The following DUOX2 variants were observed in gnomAD, a reference collection of about 807,000 sequenced individuals.
DUOX2 encodes the protein dual oxidase 2.
DUOX2 carries 185 observed loss-of-function variants against 183.3 expected under a neutral mutation model. That is an observed-to-expected ratio of 1.01 (90% CI 0.90 to 1.14). The LOEUF is 1.14. Among genes scored for constraint, DUOX2 ranks in the 50% most tolerant of loss-of-function variants. The probability of loss-of-function intolerance (pLI) is 0.00; values close to 1 mark genes in which losing one functional copy is unlikely to be tolerated. For synonymous variants in DUOX2, 788 were observed against 812.4 expected, an observed-to-expected ratio of 0.97 and a Z score of 0.51; for missense variants, 1,999 against 2,022.9, an observed-to-expected ratio of 0.99 and a Z score of 0.23.
At chr15:45,094,884 C>T (rs1474437179) in intron 32 of DUOX2, 52 bp downstream of exon 32, 22 of 1,611,106 alleles carry the variant, frequency 1.4e-5, no homozygotes, top group Non-Finnish European at 1.7e-6. Context: ...CTGCCTTACG[C>T]TGCCAATCCA....
chr15:45,112,607 C>G lies in DUOX2; in HGVS notation c.272G>C (p.Gly91Ala), dbSNP rs753874959. Residue 91 changes from glycine (G) to alanine (A), a missense_variant, in exon 4 of 34, where the codon GGC becomes GCC. Gly to Ala is a moderately conservative substitution (Grantham distance 60). Transcript: ENST00000389039. Reference sequence around the variant, plus strand: ...GTGGAGCGACGGCAGGCCGGCTATGCCCCGCGTGGCTGCGTTGCTGAGCCG... The same window carrying G: ...GTGGAGCGACGGCAGGCCGGCTATGGCCCGCGTGGCTGCGTTGCTGAGCCG... ...PRRLSNAATR[G>A]IAGLPSLHNR... The G allele has an allele frequency of 6.2e-7, 1 of 1,612,742 alleles. No individual in the cohort carries two copies. Among genetic ancestry groups the G allele is most frequent in the Non-Finnish European group, 8.5e-7 (1 of 1,179,800 alleles).
At chr15:45,104,797 G>A (rs1010044794) in intron 18 of DUOX2, among the ~76,000 whole-genome samples, 1 of 152,196 alleles carries the variant, frequency 6.6e-6, no homozygotes, top group Non-Finnish European at 1.5e-5. Flanking sequence ...AAGTTTAAAA[G>A]TCGCATGTAA....
chr15:45,096,029 TTGGG>T lies in DUOX2; in HGVS notation c.3875_3878del (p.Pro1292GlnfsTer28). ...ACTGTCCTGACTTGTACTCAAAGCC[TTGGG>T]GCCTCTGGAATTGCAGGTAGGTCAC... On this transcript the variant is annotated frameshift_variant, in exon 30 of 34. Transcript: ENST00000389039. LOFTEE classifies it high-confidence loss of function. 6.2e-7 allele frequency: 1 copy of T among 1,613,942 alleles called. No homozygotes were observed. Among genetic ancestry groups the T allele is most frequent in the Non-Finnish European group, 8.5e-7 (1 of 1,179,968 alleles).
rs1041260092 is a variant in DUOX2, at chr15:45,111,664, C to T, written c.514-79G>A. 5.5e-6 allele frequency: 8 copies of T among 1,445,736 alleles called. No individual in the cohort carries two copies. The African/African-American group carries it at 9.0e-5, about 16-fold the overall frequency. The allele number at this position is 1,445,736 out of a possible 1,614,324, so 89.6% of individuals were successfully genotyped here. Reference sequence around the variant, plus strand: ...AAGGCCGGGGCCCGGCGGGTGTCCGCGGCTGGGGAGTGGGCGCCTCTCCCC... The same window carrying T: ...AAGGCCGGGGCCCGGCGGGTGTCCGTGGCTGGGGAGTGGGCGCCTCTCCCC... On this transcript the variant is annotated intron_variant, in intron 5 of 33. Transcript: ENST00000389039.
chr15:45,109,812 T>G, intron 10 of DUOX2, 78 bp downstream of exon 10: 1 of 1,453,864 alleles, frequency 6.9e-7, no homozygotes, highest in Non-Finnish European at 9.7e-7. Context: ...ACTCAAGAAC[T>G]GGGATTGTTG....
chr15:45,104,650 T>A (rs1304212960), intron 18 of DUOX2, among the ~76,000 whole-genome samples: 1 of 151,902 alleles, frequency 6.6e-6, no homozygotes, highest in Non-Finnish European at 1.5e-5. Flanking sequence ...TTAAGGGGAA[T>A]GGAAAGTGAG....
At position 45,109,561 on chromosome 15, in the gene DUOX2, C is replaced by T. The variant is rs146745678; in HGVS notation, c.1197G>A (p.Ser399=). 3.4e-4 allele frequency: 554 copies of T among 1,614,062 alleles called. 2 individuals carry two copies. The African/African-American group carries it at 6.2e-3, about 18-fold the overall frequency. ...ELLLGMASQI[S]ELEDNIVVED... The stretch of plus-strand genomic sequence containing the variant: ...CAACCACTATGTTGTCCTCCAACTC[C>T]GAAATCTGGGAGGCCATTCCCAGCA... The change falls in exon 11 of 34, where the codon TCG becomes TCA. Residue 399 remains serine (S), a synonymous_variant. Transcript: ENST00000389039.
rs781078817 is a variant in DUOX2, at chr15:45,112,606, G to A, written c.273C>T (p.Gly91=). 3.7e-6 allele frequency: 6 copies of A among 1,612,872 alleles called. No homozygotes were observed. In the South Asian group the frequency reaches 4.4e-5, roughly 12 times the overall value. ...PRRLSNAATR[G]IAGLPSLHNR... ...TGTGGAGCGACGGCAGGCCGGCTAT[G>A]CCCCGCGTGGCTGCGTTGCTGAGCC... The change falls in exon 4 of 34, where the codon GGC becomes GGT. Residue 91 remains glycine, a synonymous_variant. Coordinates refer to ENST00000389039, the MANE Select transcript of DUOX2 (RefSeq NM_001363711.2).
rs1350717065 is a variant in DUOX2, at chr15:45,093,738, C to A, written c.*412G>T. The A allele has an allele frequency of 8.3e-6, 2 of 242,390 alleles. No homozygotes were observed. Among genetic ancestry groups the A allele is most frequent in the Non-Finnish European group, 1.7e-5 (2 of 119,828 alleles). 15.0% of individuals were successfully genotyped at this position (242,390 alleles called of 1,614,324 possible). On this transcript the variant is annotated 3_prime_UTR_variant, in exon 34 of 34. Coordinates refer to ENST00000389039, the MANE Select transcript of DUOX2 (RefSeq NM_001363711.2). ...GCTATCGGAGACAAGCACTATTGTA[C>A]CTTTTCACCTCCACACTTGTCACAA...
At chr15:45,103,622 G>A (rs116780398) in intron 20 of DUOX2, among the ~76,000 whole-genome samples, 291 of 152,250 alleles carry the variant, frequency 1.9e-3, no homozygotes, top group African/African-American at 6.5e-3. Flanking sequence ...GGTGTTGGGC[G>A]TGCCGTAAAA....
At chr15:45,102,023 C>T (rs1450684829) in intron 20 of DUOX2, 34 bp from the exon 21 acceptor site, 2 of 1,612,092 alleles carry the variant, frequency 1.2e-6, no homozygotes, top group Non-Finnish European at 1.7e-6. Context: ...CAGCCTGTCA[C>T]CCAGCAAGGT....
intron 18 of DUOX2, 65 bp downstream of exon 18, chr15:45,105,578 A>T (rs114252237): frequency 1.2e-6 from 2 of 1,602,820 alleles, no homozygotes; most frequent in Non-Finnish European, 1.7e-6. Context: ...GGGGCGTTCT[A>T]TGCAGCCCAG....
intron 13 of DUOX2, among the ~76,000 whole-genome samples, chr15:45,107,790 G>A (rs1437394945): frequency 1.5e-5 from 2 of 136,464 alleles, no homozygotes; most frequent in Non-Finnish European, 3.0e-5. Context: ...GGTAGAGGGT[G>A]CATTGAGCCA....
Position 45,101,218 on chromosome 15 carries a change from T to TC in DUOX2, c.2907dup (p.Thr970AspfsTer152), listed in dbSNP as rs775863038. 13 of 1,613,644 alleles carry TC rather than the reference T, an allele frequency of 8.1e-6. No individual in the cohort carries two copies. Among genetic ancestry groups the TC allele is most frequent in the Admixed American group, 1.7e-5 (1 of 59,964 alleles). On this transcript the variant is annotated frameshift_variant, in exon 22 of 34. Coordinates refer to ENST00000389039, the MANE Select transcript of DUOX2 (RefSeq NM_001363711.2). LOFTEE classifies it high-confidence loss of function. ...ATTCCTGCTCACCGCTCCCCAGGTG[T>TC]CCGAGTGATGAACGAGACTCGACAG...
In DUOX2 at chr15:45,095,529, C is replaced by T; in HGVS notation, c.4147G>A (p.Val1383Met). 6.2e-7 allele frequency: 1 copy of T among 1,614,248 alleles called. No homozygotes were observed. The highest frequency in any genetic ancestry group is 1.1e-5 in the South Asian group (1 of 91,084). The change falls in exon 31 of 34, where the codon GTG (valine) becomes ATG (methionine). Residue 1383 changes from valine to methionine, a missense_variant. By Grantham distance (21) the Val-to-Met change is conservative (BLOSUM62 1). Around this residue, in one of 3 missense-constraint regions of DUOX2, gnomAD observed 1,628 missense variants for 1,608.6 expected, o/e 1.01. Transcript: ENST00000389039. Reference protein sequence around the residue: ...EWHKFEVSVLVGGGIGVTPFA... With the variant: ...EWHKFEVSVLMGGGIGVTPFA... The stretch of plus-strand genomic sequence containing the variant: ...GGGGTGACCCCAATGCCCCCTCCCA[C>T]CAACACTGACACCTCAAATTTATGC...
At chr15:45,098,992 T>C in intron 26 of DUOX2, 2 of 275,164 alleles carry the variant, frequency 7.3e-6, no homozygotes, top group South Asian at 4.2e-5. Flanking sequence ...GTGTGAGCCA[T>C]TGTGCCCTGC....
intron 11 of DUOX2, 125 bp downstream of exon 11, chr15:45,109,399 T>C (rs1894317016): frequency 3.7e-6 from 3 of 807,500 alleles, no homozygotes; most frequent in Non-Finnish European, 4.3e-6. Flanking sequence ...TTATGGCTCC[T>C]TGAAGTCTGT....
At chr15:45,107,154 C>T (rs570158609) in intron 14 of DUOX2, among the ~76,000 whole-genome samples, 185 bp from the exon 15 acceptor site, 4 of 152,338 alleles carry the variant, frequency 2.6e-5, no homozygotes, top group Admixed American at 6.5e-5. Context: ...CCATCCACCC[C>T]TTCTTGACTG....
In DUOX2 at chr15:45,106,623, C is replaced by A. The variant is rs964269470; in HGVS notation, c.1850G>T (p.Gly617Val). The change falls in exon 16 of 34, where the codon GGA becomes GTA. Residue 617 changes from glycine to valine, a missense_variant. This residue lies in a region of DUOX2 where 1,628 missense variants were observed against 1,608.6 expected (regional missense o/e 1.01). Transcript: ENST00000389039. Reference sequence around the variant, plus strand: ...TCGGCCCCGGAAATAGGCCACCACTCCAGAGAGAAGCAGACTCACTGAAGT... The same window carrying A: ...TCGGCCCCGGAAATAGGCCACCACTACAGAGAGAAGCAGACTCACTGAAGT... Reference protein sequence around the residue: ...CLPLVSLLLSGVVAYFRGREH... With the variant: ...CLPLVSLLLSVVVAYFRGREH... The A allele has an allele frequency of 1.2e-6, 2 of 1,614,158 alleles. No individual in the cohort carries two copies. Among genetic ancestry groups the A allele is most frequent in the Non-Finnish European group, 1.7e-6 (2 of 1,180,028 alleles).
Sources: allele counts gnomAD v4.1 joint callset (sites outside exome capture counted in the v4.1 genomes callset), GRCh38; gene constraint gnomAD v4.1.1; regional missense constraint gnomAD v4.1.1; transcripts MANE v1.5; gene names NCBI Gene and HGNC (gene_info 2026-07-23, HGNC 2026-07-21).